Variants in SMAD3 observed in about 807,000 individuals in gnomAD.
The protein encoded by SMAD3 is SMAD family member 3.
In SMAD3, 12 loss-of-function variants were observed where a neutral mutation model predicts 51.8. The ratio of observed to expected loss-of-function variants is 0.23; its 90% confidence interval spans 0.15 to 0.38. The LOEUF (loss-of-function observed/expected upper bound fraction) is 0.38. SMAD3 is among the 10% of genes least tolerant of loss of function. The probability of loss-of-function intolerance (pLI) is 1.00; values close to 1 mark genes in which losing one functional copy is unlikely to be tolerated. For missense variants in SMAD3, 294 were observed against 565.6 expected (o/e 0.52, Z 4.87); for synonymous variants, 238 against 227.7 (o/e 1.05, Z -0.41).
At chr15:67,070,991 C>T (rs1003124949) in intron 1 of SMAD3, among the ~76,000 whole-genome samples, 2 of 152,152 alleles carry the variant, frequency 1.3e-5, no homozygotes, top group South Asian at 4.1e-4. Context: ...TTCAGTCCTT[C>T]GTTGAGAACA....
chr15:67,100,618 TG>T (rs772401953), intron 1 of SMAD3, among the ~76,000 whole-genome samples: 1 of 152,114 alleles, frequency 6.6e-6, no homozygotes, highest in Non-Finnish European at 1.5e-5. Context: ...ATCAATATAT[TG>T]TGATAAACAT....
At chr15:67,148,976 G>C (rs776655117) in intron 1 of SMAD3, among the ~76,000 whole-genome samples, 6 of 152,198 alleles carry the variant, frequency 3.9e-5, no homozygotes, top group Admixed American at 1.3e-4. Flanking sequence ...GAAACACACA[G>C]AAGTCACTTC....
At chr15:67,099,252 A>G (rs927229841) in intron 1 of SMAD3, among the ~76,000 whole-genome samples, 1 of 152,198 alleles carries the variant, frequency 6.6e-6, no homozygotes, top group Admixed American at 6.5e-5. Context: ...TCAATTCCTC[A>G]TGTCTTGTAA....
intron 7 of SMAD3, chr15:67,187,033 C>T (rs781320433): frequency 4.6e-5 from 23 of 503,658 alleles, no homozygotes; most frequent in South Asian, 3.4e-4. Context: ...AGGCCCCCCT[C>T]TCCACACCAT....
chr15:67,166,454 G>A (rs1962591318), intron 3 of SMAD3: 1 of 467,066 alleles, frequency 2.1e-6, no homozygotes, highest in Non-Finnish European at 4.0e-6. Flanking sequence ...AAGTCTGGAC[G>A]CCTCCCTGGA....
intron 7 of SMAD3, among the ~76,000 whole-genome samples, chr15:67,185,522 A>G (rs1299708576): frequency 6.6e-6 from 1 of 152,298 alleles, no homozygotes; most frequent in East Asian, 1.9e-4. Context: ...AGGGTCATGT[A>G]TGAGACCGTC....
At chr15:67,147,530 G>A (rs751937855) in intron 1 of SMAD3, among the ~76,000 whole-genome samples, 6 of 152,104 alleles carry the variant, frequency 3.9e-5, no homozygotes, top group Non-Finnish European at 7.4e-5. Context: ...GTTTCCTCAC[G>A]TGTTCAGGGG....
chr15:67,182,987 A>T (rs868728084), intron 6 of SMAD3, among the ~76,000 whole-genome samples: 75 of 32,442 alleles, frequency 2.3e-3, no homozygotes, highest in African/African-American at 0.011. Context: ...ATATTTTATT[A>T]AAAAAAAAAA....
At chr15:67,087,917 ATGCCAGCCC>A (rs1182839702) in intron 1 of SMAD3, among the ~76,000 whole-genome samples, 2 of 152,266 alleles carry the variant, frequency 1.3e-5, no homozygotes, top group South Asian at 4.1e-4. Context: ...TTTTGCTGTG[ATGCCAGCCC>A]TGCCTGAAAT....
chr15:67,085,566 T>C (rs1434242651), intron 1 of SMAD3, among the ~76,000 whole-genome samples: 1 of 152,176 alleles, frequency 6.6e-6, no homozygotes, highest in African/African-American at 2.4e-5. Context: ...CAGGGTGGGC[T>C]GTGAGGGCTA....
chr15:67,149,526 C>T (rs1962070887), intron 1 of SMAD3, among the ~76,000 whole-genome samples: 1 of 152,328 alleles, frequency 6.6e-6, no homozygotes, highest in South Asian at 2.1e-4. Context: ...GCTGTTGCCA[C>T]CCTGACATTG....
chr15:67,183,581 T>C (rs1488235196), intron 6 of SMAD3, among the ~76,000 whole-genome samples: 1 of 152,096 alleles, frequency 6.6e-6, no homozygotes, highest in East Asian at 1.9e-4. Context: ...CAGTGATGCA[T>C]GGGTCGGTCA....
intron 1 of SMAD3, among the ~76,000 whole-genome samples, chr15:67,090,823 G>A (rs1440766948): frequency 5.3e-5 from 8 of 152,294 alleles, no homozygotes; most frequent in African/African-American, 1.7e-4. Context: ...ACAGCAGTAA[G>A]CCTCTCGATC....
intron 1 of SMAD3, among the ~76,000 whole-genome samples, chr15:67,140,990 T>G (rs1404142145): frequency 6.6e-6 from 1 of 152,132 alleles, no homozygotes; most frequent in African/African-American, 2.4e-5. Flanking sequence ...ATCTCCCAGT[T>G]TGTAAAAGTT....
At chr15:67,171,030 A>T (rs538469281) in intron 5 of SMAD3, among the ~76,000 whole-genome samples, 30 of 152,054 alleles carry the variant, frequency 2.0e-4, no homozygotes, top group Non-Finnish European at 3.4e-4. Context: ...TAATTGTGTA[A>T]TTTTTCTTAA....
chr15:67,075,163 T>C (rs1441039992), intron 1 of SMAD3, among the ~76,000 whole-genome samples: 1 of 152,182 alleles, frequency 6.6e-6, no homozygotes, highest in African/African-American at 2.4e-5. Context: ...TAAGCCCAAA[T>C]GTGGAGTAAT....
intron 1 of SMAD3, among the ~76,000 whole-genome samples, chr15:67,072,153 T>C (rs916456232): frequency 6.6e-6 from 1 of 152,222 alleles, no homozygotes; most frequent in Admixed American, 6.5e-5. Context: ...AAATAAATAT[T>C]GGTTTAATAA....
intron 1 of SMAD3, among the ~76,000 whole-genome samples, chr15:67,154,577 T>C (rs888449797): frequency 2.6e-5 from 4 of 152,102 alleles, no homozygotes; most frequent in African/African-American, 9.7e-5. Context: ...TGGCACCAAA[T>C]GAAAAGAACA....
intron 1 of SMAD3, among the ~76,000 whole-genome samples, chr15:67,139,324 G>A (rs1159096281): frequency 3.3e-5 from 5 of 152,066 alleles, no homozygotes; most frequent in African/African-American, 9.7e-5. Flanking sequence ...ATGTCAAGAC[G>A]GCAATATTAG....
Sources: allele counts gnomAD v4.1 joint callset (sites outside exome capture counted in the v4.1 genomes callset), GRCh38; gene constraint gnomAD v4.1.1; transcripts MANE v1.5; gene names NCBI Gene and HGNC (gene_info 2026-07-23, HGNC 2026-07-21).